Variants in PGCKA1 observed in about 807,000 individuals in gnomAD.
PGCKA1 encodes PDCD10 and GCKIII kinases associated 1.
the PGCKA1 span, among the ~76,000 whole-genome samples, chr4:37,456,107 G>A: frequency 6.6e-6 from 1 of 152,154 alleles, no homozygotes; most frequent in Admixed American, 6.6e-5. Flanking sequence ...TAGATTACAT[G>A]CTTACAGAGA....
chr4:37,454,732 G>C, the PGCKA1 span, among the ~76,000 whole-genome samples: 57 of 152,354 alleles, frequency 3.7e-4, no homozygotes, highest in African/African-American at 1.3e-3. Context: ...TGGCAGCCCT[G>C]ATGAGGCGAG....
chr4:37,552,678 A>C, the PGCKA1 span, among the ~76,000 whole-genome samples: 1 of 152,170 alleles, frequency 6.6e-6, no homozygotes, highest in African/African-American at 2.4e-5. Context: ...ACCACACGCC[A>C]GGCTTTTTTT....
the PGCKA1 span, chr4:37,590,899 G>A: frequency 6.2e-7 from 1 of 1,614,252 alleles, no homozygotes; most frequent in Non-Finnish European, 8.5e-7. Flanking sequence ...CTCCGATGGA[G>A]ATGGGGATGG....
the PGCKA1 span, among the ~76,000 whole-genome samples, chr4:37,459,456 G>A: frequency 3.9e-5 from 6 of 152,198 alleles, no homozygotes; most frequent in Non-Finnish European, 5.9e-5. Flanking sequence ...TACAAGGGAA[G>A]TTATTTGCCC....
chr4:37,485,180 A>G, the PGCKA1 span, among the ~76,000 whole-genome samples: 1 of 152,158 alleles, frequency 6.6e-6, no homozygotes, highest in Non-Finnish European at 1.5e-5. Context: ...TAACAAACCA[A>G]TGAAAACTTC....
At chr4:37,469,508 C>G in the PGCKA1 span, among the ~76,000 whole-genome samples, 1 of 152,056 alleles carries the variant, frequency 6.6e-6, no homozygotes, top group Non-Finnish European at 1.5e-5. Flanking sequence ...GTGACTGAAC[C>G]ACACCCCAGT....
At chr4:37,458,544 C>T in the PGCKA1 span, among the ~76,000 whole-genome samples, 4 of 152,062 alleles carry the variant, frequency 2.6e-5, no homozygotes, top group Non-Finnish European at 5.9e-5. Flanking sequence ...TGAGTATTGG[C>T]GGACCATCGG....
the PGCKA1 span, among the ~76,000 whole-genome samples, chr4:37,497,725 ATTGT>A: frequency 6.6e-6 from 1 of 151,018 alleles, no homozygotes; most frequent in African/African-American, 2.4e-5. Flanking sequence ...TTTTGATGGG[ATTGT>A]TTGTTTTTTT....
chr4:37,456,051 C>T, the PGCKA1 span, among the ~76,000 whole-genome samples: 1 of 152,138 alleles, frequency 6.6e-6, no homozygotes, highest in South Asian at 2.1e-4. Context: ...GCTTTTCTTT[C>T]TTGGTCATTA....
chr4:37,583,808 G>T, the PGCKA1 span, among the ~76,000 whole-genome samples: 3 of 152,156 alleles, frequency 2.0e-5, no homozygotes, highest in Admixed American at 2.0e-4. Context: ...ACTAAGAAGT[G>T]GTTGTGAAGG....
chr4:37,589,426 A>C, the PGCKA1 span, among the ~76,000 whole-genome samples: 1 of 152,360 alleles, frequency 6.6e-6, no homozygotes, highest in East Asian at 1.9e-4. Context: ...TATTGTAAGT[A>C]TCATTCCTGT....
chr4:37,558,819 A>G, the PGCKA1 span, among the ~76,000 whole-genome samples: 3 of 122,650 alleles, frequency 2.4e-5, no homozygotes, highest in Non-Finnish European at 5.1e-5. Context: ...GAAGACATTT[A>G]TGCAGCCAAA....
the PGCKA1 span, among the ~76,000 whole-genome samples, chr4:37,581,057 G>A: frequency 1.3e-5 from 2 of 151,972 alleles, no homozygotes; most frequent in Admixed American, 6.6e-5. The surrounding 1 kb of genome is among the most constrained non-coding windows in gnomAD (Gnocchi z 4.4). Flanking sequence ...GGCTACTGCC[G>A]ATGTTCACTT....
the PGCKA1 span, among the ~76,000 whole-genome samples, chr4:37,501,444 G>T: frequency 6.6e-6 from 1 of 152,028 alleles, no homozygotes; most frequent in African/African-American, 2.4e-5. Flanking sequence ...GCCTGATAAC[G>T]TGAGGTGGAA....
chr4:37,470,863 T>G, the PGCKA1 span, among the ~76,000 whole-genome samples: 1 of 152,212 alleles, frequency 6.6e-6, no homozygotes, highest in African/African-American at 2.4e-5. Context: ...TAAATTATTT[T>G]GAGTGGCTAT....
At chr4:37,517,176 G>A in the PGCKA1 span, among the ~76,000 whole-genome samples, 11 of 151,466 alleles carry the variant, frequency 7.3e-5, no homozygotes, top group East Asian at 1.5e-3. Flanking sequence ...ACTTGAACCC[G>A]GGAGGCGGAG....
the PGCKA1 span, among the ~76,000 whole-genome samples, chr4:37,579,700 C>A: frequency 6.6e-6 from 1 of 152,158 alleles, no homozygotes; most frequent in Admixed American, 6.5e-5. Context: ...CTTTCAGGAT[C>A]CTTTCTTTAT....
At chr4:37,479,597 G>T in the PGCKA1 span, among the ~76,000 whole-genome samples, 1 of 152,192 alleles carries the variant, frequency 6.6e-6, no homozygotes, top group East Asian at 1.9e-4. Context: ...TTTATCTGAG[G>T]GAGGCAGTGG....
chr4:37,587,340 T>G, the PGCKA1 span, among the ~76,000 whole-genome samples: 5,875 of 152,250 alleles, frequency 0.039, 252 homozygotes, highest in East Asian at 0.15. Flanking sequence ...TAAGGTATTA[T>G]TTATAGGTTC....
Sources: gnomAD v4.1 joint callset for allele counts (sites outside exome capture counted in the v4.1 genomes callset) on GRCh38, gnomAD v4.1.1 for gene constraint, Gnocchi (gnomAD v3.1) non-coding constraint, MANE v1.5 for transcripts, NCBI Gene and HGNC (gene_info 2026-07-23, HGNC 2026-07-21) for gene names.